Variants in KDM4B observed in about 807,000 individuals in gnomAD.
KDM4B encodes lysine-specific demethylase 4B.
In KDM4B, 32 loss-of-function variants were observed where a neutral mutation model predicts 125.2. That is an observed-to-expected ratio of 0.26 (90% CI 0.19 to 0.34). KDM4B has a LOEUF of 0.34. KDM4B is among the 10% of genes least tolerant of loss of function. The probability of loss-of-function intolerance (pLI) is 1.00; values close to 1 mark genes in which losing one functional copy is unlikely to be tolerated. For synonymous variants in KDM4B, 721 were observed against 677.9 expected (o/e 1.06, Z -0.99); for missense variants, 1,190 against 1,577.7 (o/e 0.75, Z 4.16).
At chr19:5,001,025 T>A (rs1476900620) in intron 1 of KDM4B, among the ~76,000 whole-genome samples, 1 of 152,010 alleles carries the variant, frequency 6.6e-6, no homozygotes, top group Non-Finnish European at 1.5e-5. Flanking sequence ...TGTATTTTTT[T>A]AATGTCCCCT....
At chr19:5,049,261 C>G (rs746468284) in intron 6 of KDM4B, among the ~76,000 whole-genome samples, 3 of 152,088 alleles carry the variant, frequency 2.0e-5, no homozygotes. Flanking sequence ...CTGAGGGCAT[C>G]CCGCACCTCT....
chr19:5,024,503 A>T (rs553366144), intron 2 of KDM4B, among the ~76,000 whole-genome samples: 1 of 151,950 alleles, frequency 6.6e-6, no homozygotes, highest in Non-Finnish European at 1.5e-5. Flanking sequence ...TTCCTCCCCC[A>T]GGTTGCAGAG....
At chr19:5,049,168 G>C (rs888364692) in intron 6 of KDM4B, among the ~76,000 whole-genome samples, 1 of 152,132 alleles carries the variant, frequency 6.6e-6, no homozygotes, top group Non-Finnish European at 1.5e-5. Context: ...AGTGGGGCCC[G>C]GCCACAGGCC....
chr19:5,077,864 C>T (rs1416780326), intron 8 of KDM4B: 4 of 216,408 alleles, frequency 1.8e-5, no homozygotes, highest in Admixed American at 5.2e-5. Context: ...TGGTTCCTAC[C>T]GCCCCAGGCC....
chr19:5,147,075 C>A (rs1443885767), intron 21 of KDM4B, among the ~76,000 whole-genome samples: 2 of 151,982 alleles, frequency 1.3e-5, no homozygotes, highest in Non-Finnish European at 2.9e-5. Context: ...GAGTCTGGCC[C>A]AGGCAGGTCG....
In KDM4B at chr19:5,113,911, C is replaced by T. The variant is rs1419693183; in HGVS notation, c.1115+3093C>T. 1.8e-5 allele frequency: 22 copies of T among 1,207,586 alleles called. 1 individual carries two copies. The highest frequency in any genetic ancestry group is 1.6e-4 in the South Asian group (11 of 67,840). 74.8% of individuals were successfully genotyped at this position (1,207,586 alleles called of 1,614,324 possible). A position where few individuals can be genotyped will look rare whatever the true frequency, so the allele number is the denominator to read the frequency against. On this transcript the variant is annotated intron_variant, in intron 10 of 22. Transcript: ENST00000159111. ...GGTGCCCCATGGGGTGCGGATGGTT[C>T]GGCACAGCTGCCTGAGCTCAGAGGA...
intron 10 of KDM4B, chr19:5,113,892 C>G: frequency 5.0e-6 from 6 of 1,198,148 alleles, no homozygotes; most frequent in Non-Finnish European, 6.3e-6. Context: ...ACCAGGTGCC[C>G]CATGGGGTGC....
chr19:5,013,229 G>A (rs563536418), intron 1 of KDM4B, among the ~76,000 whole-genome samples: 13 of 152,306 alleles, frequency 8.5e-5, no homozygotes, highest in South Asian at 4.1e-4. Context: ...GGGGTGGCCC[G>A]TCGTGCAGCG....
intron 6 of KDM4B, among the ~76,000 whole-genome samples, chr19:5,064,171 G>A (rs111493857): frequency 7.2e-5 from 11 of 152,300 alleles, no homozygotes; most frequent in Admixed American, 6.5e-4. Context: ...CGCCACTGGC[G>A]TTTGGATCTG....
Position 5,131,315 on chromosome 19 carries a change from G to C in KDM4B, c.1555G>C (p.Glu519Gln), listed in dbSNP as rs899295332. 4 of 1,612,192 alleles carry C rather than the reference G, an allele frequency of 2.5e-6. No homozygotes were observed. The highest frequency in any genetic ancestry group is 2.7e-5 in the African/African-American group (2 of 74,812). Reference sequence around the variant, plus strand: ...CCCTGAGGTGCCCAGTGAGGAGCTAGAGGCCAAGCCTCGGCCCATCATCCC... The same window carrying C: ...CCCTGAGGTGCCCAGTGAGGAGCTACAGGCCAAGCCTCGGCCCATCATCCC... ...VPPEVPSEEL[E>Q]AKPRPIIPML... Residue 519 changes from glutamate (E) to glutamine (Q), a missense_variant, in exon 12 of 23, where the codon GAG (glutamate) becomes CAG (glutamine). By Grantham distance (29) the Glu-to-Gln change is conservative. Transcript: ENST00000159111.
intron 9 of KDM4B, among the ~76,000 whole-genome samples, chr19:5,096,865 T>C (rs1487448200): frequency 1.3e-5 from 2 of 152,158 alleles, no homozygotes; most frequent in Admixed American, 6.5e-5. Context: ...GTGGAGGAAG[T>C]GTCCCTCCGT....
chr19:5,140,101 C>G (rs1447528834), intron 18 of KDM4B, among the ~76,000 whole-genome samples: 1 of 152,226 alleles, frequency 6.6e-6, no homozygotes, highest in Non-Finnish European at 1.5e-5. Context: ...GGCCCACTCC[C>G]TAAAGCATGG....
chr19:5,096,360 C>A (rs1165978289), intron 9 of KDM4B, among the ~76,000 whole-genome samples: 1 of 152,186 alleles, frequency 6.6e-6, no homozygotes, highest in Admixed American at 6.5e-5. Context: ...ACTGGGATTA[C>A]AAGCGTGAGC....
intron 2 of KDM4B, among the ~76,000 whole-genome samples, chr19:5,018,870 CA>C (rs150787573): frequency 3.2e-4 from 49 of 152,364 alleles, no homozygotes; most frequent in African/African-American, 1.2e-3. Flanking sequence ...AGAGTTCATC[CA>C]CTCCGTGGCC....
Position 5,119,621 on chromosome 19 carries a change from T to C in KDM4B, c.1116-32T>C. 3.9e-6 allele frequency: 6 copies of C among 1,543,866 alleles called. No homozygotes were observed. In the African/African-American group the frequency reaches 8.2e-5, roughly 21 times the overall value. ...ACCTAGGGCTCTTCCCTCCCTGGTC[T>C]CCCCTCCTGCCTGATAAACCTCCCT... On this transcript the variant is annotated intron_variant, in intron 10 of 22. Coordinates refer to ENST00000159111, the MANE Select transcript of KDM4B (RefSeq NM_015015.3).
chr19:5,150,770 G>A (rs947361375), intron 22 of KDM4B, among the ~76,000 whole-genome samples: 17 of 152,228 alleles, frequency 1.1e-4, no homozygotes, highest in Admixed American at 3.3e-4. Flanking sequence ...CAGGACCCGC[G>A]CTGCCCCACC....
intron 16 of KDM4B, 127 bp from the exon 17 acceptor site, chr19:5,137,494 A>T: frequency 8.2e-7 from 1 of 1,217,746 alleles, no homozygotes; most frequent in Non-Finnish European, 1.2e-6. Flanking sequence ...CCCACCCGTC[A>T]CTTTGGTGGC....
chr19:5,060,992 G>A (rs767573640), intron 6 of KDM4B, among the ~76,000 whole-genome samples: 2 of 152,196 alleles, frequency 1.3e-5, no homozygotes, highest in African/African-American at 4.8e-5. Context: ...GGCTTGCCTC[G>A]GCGAGTCTGC....
intron 1 of KDM4B, among the ~76,000 whole-genome samples, chr19:4,982,677 A>G (rs2034686579): frequency 6.6e-6 from 1 of 150,912 alleles, no homozygotes; most frequent in South Asian, 2.1e-4. Context: ...CAGTGGCGAG[A>G]TCTCGGCTCA....
Sources: gnomAD v4.1 joint callset for allele counts (sites outside exome capture counted in the v4.1 genomes callset) on GRCh38, gnomAD v4.1.1 for gene constraint, MANE v1.5 for transcripts, NCBI Gene and HGNC (gene_info 2026-07-23, HGNC 2026-07-21) for gene names.